The following RTN4RL1 variants were observed in gnomAD, a reference collection of about 807,000 sequenced individuals.
RTN4RL1 encodes reticulon-4 receptor-like 1.
In RTN4RL1, 7 loss-of-function variants were observed where a neutral mutation model predicts 25.6. The observed-to-expected ratio is 0.27, with a 90% CI of 0.16 to 0.51. RTN4RL1 has a LOEUF of 0.51. Ranked by LOEUF, RTN4RL1 falls within the 20% of genes least tolerant of loss-of-function variation. RTN4RL1 has a pLI of 0.97. For synonymous variants in RTN4RL1, 297 were observed against 288.2 expected, an observed-to-expected ratio of 1.03 and a Z score of -0.31; for missense variants, 500 against 615.6, an observed-to-expected ratio of 0.81 and a Z score of 1.99.
intron 1 of RTN4RL1, among the ~76,000 whole-genome samples, chr17:2,004,177 G>A (rs1415717101): frequency 1.3e-5 from 2 of 151,702 alleles, no homozygotes; most frequent in East Asian, 3.9e-4. Context: ...GACCATCCTG[G>A]CTAACACGGT....
At chr17:1,966,596 G>T (rs1364604447) in intron 1 of RTN4RL1, among the ~76,000 whole-genome samples, 1 of 152,102 alleles carries the variant, frequency 6.6e-6, no homozygotes, top group South Asian at 2.1e-4. Context: ...GGCTGGGGAA[G>T]GGCAGTCTCT....
intron 1 of RTN4RL1, among the ~76,000 whole-genome samples, chr17:1,989,761 AG>A (rs1393894914): frequency 6.6e-6 from 1 of 151,930 alleles, no homozygotes; most frequent in Admixed American, 6.6e-5. Flanking sequence ...TTTAGTAGAG[AG>A]GGGGTTTCAC....
intron 1 of RTN4RL1, among the ~76,000 whole-genome samples, chr17:1,951,586 G>A (rs1238869498): frequency 6.6e-6 from 1 of 152,008 alleles, no homozygotes; most frequent in Non-Finnish European, 1.5e-5. Context: ...GAGTAGCTGG[G>A]ATTACAGGCA....
At chr17:1,956,721 T>G (rs1915800978) in intron 1 of RTN4RL1, among the ~76,000 whole-genome samples, 1 of 150,336 alleles carries the variant, frequency 6.7e-6, no homozygotes, top group African/African-American at 2.4e-5. Flanking sequence ...GAAACATCAC[T>G]GCATACCTGT....
At chr17:1,983,937 G>A (rs7209278) in intron 1 of RTN4RL1, among the ~76,000 whole-genome samples, 2,074 of 152,162 alleles carry the variant, frequency 0.014, 49 homozygotes, top group African/African-American at 0.047. Context: ...GCTCCCTCCC[G>A]GCTGGGACAT....
At chr17:1,978,839 C>G (rs1454540478) in intron 1 of RTN4RL1, among the ~76,000 whole-genome samples, 1 of 152,242 alleles carries the variant, frequency 6.6e-6, no homozygotes, top group Non-Finnish European at 1.5e-5. Flanking sequence ...CACCACACCC[C>G]ACTTCCAGTA....
chr17:1,956,017 T>A (rs1466056322), intron 1 of RTN4RL1, among the ~76,000 whole-genome samples: 1 of 152,168 alleles, frequency 6.6e-6, no homozygotes, highest in East Asian at 1.9e-4. Flanking sequence ...CTTCCCTTTT[T>A]ATATGGAGCT....
chr17:1,944,892 T>G (rs1231783829), intron 1 of RTN4RL1, among the ~76,000 whole-genome samples: 1 of 152,198 alleles, frequency 6.6e-6, no homozygotes, highest in Non-Finnish European at 1.5e-5. Flanking sequence ...CTGTATCTCA[T>G]CTGACACAGT....
chr17:1,954,816 T>C (rs1915758227), intron 1 of RTN4RL1, among the ~76,000 whole-genome samples: 1 of 152,212 alleles, frequency 6.6e-6, no homozygotes, highest in Non-Finnish European at 1.5e-5. Context: ...GCTGATGTCA[T>C]TCCAGTCAAA....
chr17:1,938,747 C>T (rs1196839210), intron 1 of RTN4RL1, among the ~76,000 whole-genome samples: 2 of 151,856 alleles, frequency 1.3e-5, no homozygotes, highest in Admixed American at 1.3e-4. Context: ...CCTCAGTTTC[C>T]TCATTTCTGA....
chr17:1,947,905 C>T (rs1194750833), intron 1 of RTN4RL1, among the ~76,000 whole-genome samples: 3 of 152,178 alleles, frequency 2.0e-5, no homozygotes, highest in African/African-American at 4.8e-5. Flanking sequence ...CGGGTCAGAG[C>T]GGCTGGCTCC....
chr17:2,015,078 A>T (rs1335190363), intron 1 of RTN4RL1, among the ~76,000 whole-genome samples: 1 of 152,122 alleles, frequency 6.6e-6, no homozygotes, highest in Non-Finnish European at 1.5e-5. Context: ...CAAAGGCAAG[A>T]CAGGAGGCTG....
chr17:2,020,691 AG>A (rs1419002262), intron 1 of RTN4RL1: 2 of 152,274 alleles, frequency 1.3e-5, no homozygotes, highest in African/African-American at 4.8e-5. Flanking sequence ...GTACAGATAA[AG>A]TCTAATGAAA....
Position 2,004,757 on chromosome 17 carries a change from C to A in RTN4RL1, c.13+20096G>T, listed in dbSNP as rs2066982166. Reference sequence around the variant, plus strand: ...GCCCCCTCCACCCTACGTGACCTGTCCCTGCTGGTCTTGAGTTTCCTGCCC... The same window carrying A: ...GCCCCCTCCACCCTACGTGACCTGTACCTGCTGGTCTTGAGTTTCCTGCCC... On this transcript the variant is annotated intron_variant, in intron 1 of 1. Transcript: ENST00000331238. Among the ~76,000 whole-genome samples the A allele has an allele frequency of 2.0e-5, 3 of 152,242 alleles. No homozygotes were observed. In the South Asian group the frequency reaches 6.2e-4, roughly 32 times the overall value.
intron 1 of RTN4RL1, among the ~76,000 whole-genome samples, chr17:1,975,387 A>C (rs2066838552): frequency 6.6e-6 from 1 of 152,128 alleles, no homozygotes; most frequent in Non-Finnish European, 1.5e-5. Context: ...GTGGTGGCTC[A>C]TGCCTGTAAT....
chr17:1,958,675 G>C (rs1339865352), intron 1 of RTN4RL1, among the ~76,000 whole-genome samples: 1 of 152,186 alleles, frequency 6.6e-6, no homozygotes, highest in East Asian at 1.9e-4. Flanking sequence ...AAACAGTTCC[G>C]GCAGGATCGT....
Position 1,937,083 on chromosome 17 carries a change from G to T in RTN4RL1, c.739C>A (p.Leu247Met). 6.2e-7 allele frequency: 1 copy of T among 1,606,220 alleles called. No homozygotes were observed. The highest frequency in any genetic ancestry group is 8.5e-7 in the Non-Finnish European group (1 of 1,177,598). Residue 247 changes from leucine (L) to methionine (M), a missense_variant, in exon 2 of 2, where the codon CTG (leucine) becomes ATG (methionine). Around this residue, in one of 2 missense-constraint regions of RTN4RL1, gnomAD observed 232 missense variants for 341.1 expected, o/e 0.68. Coordinates refer to ENST00000331238, the MANE Select transcript of RTN4RL1 (RefSeq NM_178568.4). ...TTGCCGTTGAGGCGGAGGAACTCCA[G>T]GGCCCCCAGCGGGGCCAGGCACTCA... is the stretch of plus-strand genomic sequence containing the variant. Reference protein sequence around the residue: ...QGECLAPLGALEFLRLNGNPW... With the variant: ...QGECLAPLGAMEFLRLNGNPW...
At chr17:1,942,720 G>A (rs901388883) in intron 1 of RTN4RL1, among the ~76,000 whole-genome samples, 8 of 152,080 alleles carry the variant, frequency 5.3e-5, no homozygotes, top group Non-Finnish European at 8.8e-5. Context: ...GAGCATGGGG[G>A]CAGCTCAGGC....
At chr17:1,976,325 G>C (rs568114697) in intron 1 of RTN4RL1, among the ~76,000 whole-genome samples, 75 of 152,352 alleles carry the variant, frequency 4.9e-4, no homozygotes, top group Middle Eastern at 3.4e-3. Context: ...AAGAGGTGTC[G>C]GCCCATGGCC....
Sources: allele counts gnomAD v4.1 joint callset (sites outside exome capture counted in the v4.1 genomes callset), GRCh38; gene constraint gnomAD v4.1.1; regional missense constraint gnomAD v4.1.1; transcripts MANE v1.5; gene names NCBI Gene and HGNC (gene_info 2026-07-23, HGNC 2026-07-21).